The following SMARCC1 variants were observed in gnomAD, a reference collection of about 807,000 sequenced individuals.
The protein encoded by SMARCC1 is SWI/SNF complex subunit SMARCC1.
A neutral mutation model predicts 147.4 loss-of-function variants in SMARCC1; 43 were observed. The ratio of observed to expected loss-of-function variants is 0.29; its 90% CI spans 0.23 to 0.38. The LOEUF is 0.38. Ranked by LOEUF, SMARCC1 falls within the 10% of genes least tolerant of loss-of-function variation. The pLI is 1.00. For missense variants in SMARCC1, 1,119 were observed against 1,381.1 expected (o/e 0.81, Z 3.01); for synonymous variants, 495 against 484.4 (o/e 1.02, Z -0.29).
Position 47,781,734 on chromosome 3 carries a change from C to T in SMARCC1, c.64G>A (p.Ala22Thr), listed in dbSNP as rs1234949890. Residue 22 changes from alanine to threonine, a missense_variant, in exon 1 of 28, where the codon GCG becomes ACG. Around this residue, in one of 6 missense-constraint regions of SMARCC1, gnomAD observed 542 missense variants for 611.8 expected, o/e 0.89. Coordinates refer to ENST00000254480, the MANE Select transcript of SMARCC1 (RefSeq NM_003074.4). The part of the protein sequence containing the change: ...TAVGATGSGI[A>T]AAAAGLAVYR... ...ACAGCTAGGCCTGCGGCTGCCGCCG[C>T]AATCCCCGAGCCCGTGGCGCCTACC... The T allele has an allele frequency of 6.4e-7, 1 of 1,554,296 alleles. No individual in the cohort carries two copies. Among genetic ancestry groups the T allele is most frequent in the Non-Finnish European group, 8.7e-7 (1 of 1,155,310 alleles).
At chr3:47,751,746 A>G (rs2034631790) in intron 2 of SMARCC1, among the ~76,000 whole-genome samples, 1 of 152,120 alleles carries the variant, frequency 6.6e-6, no homozygotes, top group South Asian at 2.1e-4. Context: ...GACGGAACTC[A>G]TGAACCTATC....
At chr3:47,647,424 C>G (rs2033131763) in intron 21 of SMARCC1, among the ~76,000 whole-genome samples, 1 of 152,110 alleles carries the variant, frequency 6.6e-6, no homozygotes, top group Non-Finnish European at 1.5e-5. Context: ...TGAAGGTAGA[C>G]TAGGCTAAGT....
At chr3:47,588,509 A>AC (rs1318099947) in intron 27 of SMARCC1, among the ~76,000 whole-genome samples, 18 of 152,000 alleles carry the variant, frequency 1.2e-4, no homozygotes, top group Admixed American at 3.3e-4. Context: ...GCTTAGCCTA[A>AC]CCCTAGTGGC....
intron 18 of SMARCC1, among the ~76,000 whole-genome samples, chr3:47,674,523 A>AT (rs1312427153): frequency 6.6e-6 from 1 of 152,146 alleles, no homozygotes; most frequent in Non-Finnish European, 1.5e-5. Context: ...TTTGAATGTA[A>AT]TATGTTCTTC....
At chr3:47,733,757 G>A (rs574087507) in intron 5 of SMARCC1, among the ~76,000 whole-genome samples, 10 of 151,344 alleles carry the variant, frequency 6.6e-5, no homozygotes, top group East Asian at 5.8e-4. Context: ...CCAGCTACTC[G>A]GGAGGCTGAG....
chr3:47,588,703 GC>G (rs544157096), intron 27 of SMARCC1, among the ~76,000 whole-genome samples: 353 of 48,378 alleles, frequency 7.3e-3, no homozygotes, highest in South Asian at 0.065. Context: ...TTTTCTTCCC[GC>G]CCCCCCCCCG....
In SMARCC1 at chr3:47,587,243, T is replaced by C. The variant is rs1445207584; in HGVS notation, c.*966A>G. On this transcript the variant is annotated 3_prime_UTR_variant, in exon 28 of 28. Coordinates refer to ENST00000254480, the MANE Select transcript of SMARCC1 (RefSeq NM_003074.4). ...TTAGCACTATCTACTTTTTTTTTTC[T>C]TTTAAAGGGTTTTTTAAAGAGGGAG... 1 of 152,544 alleles carries C rather than the reference T, an allele frequency of 6.6e-6. No individual in the cohort carries two copies. The highest frequency in any genetic ancestry group is 1.5e-5 in the Non-Finnish European group (1 of 68,030). The allele number at this position is 152,544 out of a possible 1,614,324, so 9.4% of individuals were successfully genotyped here.
chr3:47,682,816 A>G (rs1440381563), intron 14 of SMARCC1, among the ~76,000 whole-genome samples: 1 of 152,256 alleles, frequency 6.6e-6, no homozygotes, highest in Non-Finnish European at 1.5e-5. Context: ...TTAAAAGTAC[A>G]TAAACATAAT....
chr3:47,628,946 A>G (rs888556607), intron 24 of SMARCC1, among the ~76,000 whole-genome samples: 1 of 152,238 alleles, frequency 6.6e-6, no homozygotes, highest in African/African-American at 2.4e-5. Flanking sequence ...AATGCAGGCC[A>G]AGACAGCCAA....
At chr3:47,739,090 C>T (rs901777587) in intron 3 of SMARCC1, among the ~76,000 whole-genome samples, 4 of 152,126 alleles carry the variant, frequency 2.6e-5, no homozygotes, top group African/African-American at 9.7e-5. Context: ...TTTGTTTTTG[C>T]TCTGTTTTAA....
chr3:47,733,926 T>A (rs1316843011), intron 5 of SMARCC1, among the ~76,000 whole-genome samples: 1 of 150,618 alleles, frequency 6.6e-6, no homozygotes, highest in Non-Finnish European at 1.5e-5. Context: ...TGCTTGTATA[T>A]ACATATATAC....
At chr3:47,672,958 T>A (rs1012726158) in intron 18 of SMARCC1, among the ~76,000 whole-genome samples, 11 of 152,114 alleles carry the variant, frequency 7.2e-5, no homozygotes. Context: ...TCAGTATTTT[T>A]TTTTTTAGTA....
chr3:47,765,264 A>G (rs1174179415), intron 2 of SMARCC1, among the ~76,000 whole-genome samples: 1 of 151,770 alleles, frequency 6.6e-6, no homozygotes, highest in Admixed American at 6.6e-5. Flanking sequence ...AAACAAAAAC[A>G]TACAAAAAAA....
chr3:47,692,799 G>C (rs187617697), intron 12 of SMARCC1, among the ~76,000 whole-genome samples: 2 of 152,090 alleles, frequency 1.3e-5, no homozygotes, highest in Non-Finnish European at 2.9e-5. Context: ...GAGACAGGCG[G>C]ATCATGAGGT....
rs766778405 is a variant in SMARCC1, at chr3:47,590,845, G to T, written c.3044-8C>A. On this transcript the variant is annotated splice_region_variant and splice_polypyrimidine_tract_variant and intron_variant, in intron 26 of 27. Coordinates refer to ENST00000254480, the MANE Select transcript of SMARCC1 (RefSeq NM_003074.4). ...CTGGGCCTGGTATCTGACCTGTGGA[G>T]GGAGATTTAAAGTACTGTAAGTATA... The T allele has an allele frequency of 3.1e-6, 5 of 1,599,658 alleles. No individual in the cohort carries two copies. The African/African-American group carries it at 6.7e-5, about 22-fold the overall frequency.
chr3:47,735,602 T>A (rs1225238629), intron 5 of SMARCC1, among the ~76,000 whole-genome samples: 1 of 151,998 alleles, frequency 6.6e-6, no homozygotes, highest in Non-Finnish European at 1.5e-5. Context: ...AAACCCCACC[T>A]CTACGAAAAA....
intron 1 of SMARCC1, among the ~76,000 whole-genome samples, chr3:47,774,122 G>T (rs1418852191): frequency 6.6e-6 from 1 of 151,826 alleles, no homozygotes; most frequent in Non-Finnish European, 1.5e-5. Context: ...GTGGTGTATG[G>T]TCAAAATTAC....
intron 10 of SMARCC1, among the ~76,000 whole-genome samples, chr3:47,702,362 C>T (rs1269680187): frequency 6.6e-6 from 1 of 151,742 alleles, no homozygotes; most frequent in Non-Finnish European, 1.5e-5. Context: ...TATTTCAGTG[C>T]AGAGAAATGA....
intron 25 of SMARCC1, chr3:47,610,640 G>A: frequency 2.9e-6 from 1 of 344,250 alleles, no homozygotes; most frequent in Admixed American, 4.1e-5. Flanking sequence ...TGTTTGGCAG[G>A]CCTTTAGATA....
Sources: allele counts gnomAD v4.1 joint callset (sites outside exome capture counted in the v4.1 genomes callset), GRCh38; gene constraint gnomAD v4.1.1; regional missense constraint gnomAD v4.1.1; transcripts MANE v1.5; gene names NCBI Gene and HGNC (gene_info 2026-07-23, HGNC 2026-07-21).